SH3KBP1: variants seen among roughly 807,000 people sequenced by gnomAD.
The protein encoded by SH3KBP1 is SH3 domain-containing kinase-binding protein 1.
Under a neutral mutation model 50.1 loss-of-function variants are expected in SH3KBP1, and 8 were observed. The observed-to-expected ratio is 0.16, with a 90% confidence interval of 0.09 to 0.29. The LOEUF (loss-of-function observed/expected upper bound fraction) is 0.29. Among genes scored for constraint, SH3KBP1 ranks in the 10% least tolerant of loss-of-function variants. SH3KBP1 has a pLI of 1.00. For missense variants in SH3KBP1, 377 were observed against 535.2 expected, an observed-to-expected ratio of 0.70 and a Z score of 2.92; for synonymous variants, 227 against 218.6, an observed-to-expected ratio of 1.04 and a Z score of -0.34.
chrX:19,728,368 C>A (rs1275116895), intron 3 of SH3KBP1, among the ~76,000 whole-genome samples: 2 of 112,055 alleles, frequency 1.8e-5, no homozygotes, highest in African/African-American at 6.5e-5. Context: ...CTGAAGCATG[C>A]TGAGCTGAAG....
intron 7 of SH3KBP1, among the ~76,000 whole-genome samples, chrX:19,633,088 T>C (rs1227088232): frequency 9.0e-6 from 1 of 111,576 alleles, no homozygotes; most frequent in Non-Finnish European, 1.9e-5. Context: ...CAACCAGAGA[T>C]TGTGACATAT....
At chrX:19,657,001 T>A (rs1265996105) in intron 6 of SH3KBP1, among the ~76,000 whole-genome samples, 1 of 111,729 alleles carries the variant, frequency 9.0e-6, no homozygotes, top group Non-Finnish European at 1.9e-5. Context: ...TTTCTGTCTT[T>A]CAGAGTAGAG....
chrX:19,785,181 T>G (rs756128029), intron 2 of SH3KBP1, among the ~76,000 whole-genome samples: 5 of 110,064 alleles, frequency 4.5e-5, no homozygotes, highest in Admixed American at 9.7e-5. Flanking sequence ...GTAAGAGCTT[T>G]GAGAGAAAAT....
intron 6 of SH3KBP1, among the ~76,000 whole-genome samples, chrX:19,675,506 G>A (rs892258270): frequency 5.5e-5 from 6 of 109,635 alleles, no homozygotes; most frequent in African/African-American, 2.0e-4. Flanking sequence ...CCGGGTTCAA[G>A]CGATTCTCCT....
chrX:19,561,890 G>A (rs750899768), intron 13 of SH3KBP1, among the ~76,000 whole-genome samples: 16 of 107,708 alleles, frequency 1.5e-4, no homozygotes, highest in Non-Finnish European at 2.5e-4. Context: ...TGGCTAAGGC[G>A]TGGGGAGATG....
chrX:19,765,176 A>G (rs975730655), intron 2 of SH3KBP1, among the ~76,000 whole-genome samples: 4 of 109,576 alleles, frequency 3.7e-5, no homozygotes, highest in Non-Finnish European at 7.6e-5. Context: ...CTTCGTGACC[A>G]TGCACAAGGT....
intron 2 of SH3KBP1, among the ~76,000 whole-genome samples, chrX:19,768,168 C>G (rs2065679442): frequency 9.1e-6 from 1 of 109,575 alleles, no homozygotes; most frequent in African/African-American, 3.3e-5. Flanking sequence ...ATGGCAGGAT[C>G]TATTACCCTC....
intron 6 of SH3KBP1, among the ~76,000 whole-genome samples, chrX:19,667,891 C>T (rs1357029088): frequency 2.1e-5 from 2 of 96,515 alleles, no homozygotes; most frequent in Non-Finnish European, 4.0e-5. Flanking sequence ...AGAATTAAGT[C>T]GACCTTTAAC....
At chrX:19,793,193 G>T (rs993404419) in intron 2 of SH3KBP1, among the ~76,000 whole-genome samples, 1 of 109,156 alleles carries the variant, frequency 9.2e-6, no homozygotes, top group African/African-American at 3.3e-5. Context: ...AGCTATTTGG[G>T]AGGCTGAGGT....
chrX:19,548,032 C>T (rs1039950508), intron 14 of SH3KBP1, among the ~76,000 whole-genome samples: 1 of 112,793 alleles, frequency 8.9e-6, no homozygotes, highest in African/African-American at 3.2e-5. Context: ...GTCATTGTGC[C>T]GTAAGCTTCC....
chrX:19,662,965 C>T (rs1334740175), intron 6 of SH3KBP1, among the ~76,000 whole-genome samples: 1 of 110,725 alleles, frequency 9.0e-6, no homozygotes, highest in Non-Finnish European at 1.9e-5. Flanking sequence ...CATTCATATT[C>T]ATTCATTCTT....
In SH3KBP1 at chrX:19,803,482, T is replaced by C. The variant is rs1476251672; in HGVS notation, c.162+32643A>G. Among the ~76,000 whole-genome samples, 2 of 112,300 alleles carry C rather than the reference T, an allele frequency of 1.8e-5. 1 individual carries two copies. The highest frequency in any genetic ancestry group is 5.6e-4 in the East Asian group (2 of 3,575). On this transcript the variant is annotated intron_variant, in intron 2 of 17. Transcript: ENST00000397821. The stretch of plus-strand genomic sequence containing the variant: ...GCCTTGACCTCCCAAAGCACTGGAA[T>C]TACAGGCATAGGCCACCACACCCAG...
chrX:19,800,318 C>T (rs943770133), intron 2 of SH3KBP1, among the ~76,000 whole-genome samples: 1 of 111,879 alleles, frequency 8.9e-6, no homozygotes, highest in Non-Finnish European at 1.9e-5. Context: ...TTAATAAAGT[C>T]CAAATAACTG....
intron 7 of SH3KBP1, among the ~76,000 whole-genome samples, chrX:19,635,420 G>C (rs905115735): frequency 9.2e-6 from 1 of 108,751 alleles, no homozygotes; most frequent in African/African-American, 3.4e-5. Flanking sequence ...GGCCTGTTGG[G>C]GGGTGGGGGA....
chrX:19,765,170 G>A (rs1001535432), intron 2 of SH3KBP1, among the ~76,000 whole-genome samples: 6 of 109,324 alleles, frequency 5.5e-5, no homozygotes, highest in African/African-American at 1.7e-4. Context: ...CAGTCACTTC[G>A]TGACCATGCA....
intron 3 of SH3KBP1, among the ~76,000 whole-genome samples, chrX:19,711,918 T>C (rs1476329041): frequency 9.0e-6 from 1 of 111,499 alleles, no homozygotes; most frequent in Non-Finnish European, 1.9e-5. Flanking sequence ...ACTCACTCTT[T>C]GGGGTTGGGG....
intron 2 of SH3KBP1, among the ~76,000 whole-genome samples, chrX:19,774,102 C>T (rs1317981514): frequency 9.1e-6 from 1 of 110,336 alleles, no homozygotes; most frequent in African/African-American, 3.3e-5. Flanking sequence ...TCAGTAGCTG[C>T]CCTGTCACCA....
intron 3 of SH3KBP1, among the ~76,000 whole-genome samples, chrX:19,717,550 G>A (rs918221457): frequency 9.0e-6 from 1 of 111,563 alleles, no homozygotes; most frequent in African/African-American, 3.3e-5. Flanking sequence ...CCTGGGCAAC[G>A]GAGTGAGACT....
chrX:19,755,639 AC>A (rs1201138778), intron 2 of SH3KBP1, among the ~76,000 whole-genome samples: 4 of 111,448 alleles, frequency 3.6e-5, no homozygotes, highest in Non-Finnish European at 7.5e-5. Flanking sequence ...GAGAGACAGA[AC>A]GTCTCATATT....
Sources: allele counts gnomAD v4.1 joint callset (sites outside exome capture counted in the v4.1 genomes callset), GRCh38; gene constraint gnomAD v4.1.1; transcripts MANE v1.5; gene names NCBI Gene and HGNC (gene_info 2026-07-23, HGNC 2026-07-21).